GOLGA8B: variants seen among roughly 807,000 people sequenced by gnomAD.
The protein encoded by GOLGA8B is golgin A8 family member B, also known as golgin subfamily A member 8B.
A neutral mutation model predicts 15.6 loss-of-function variants in GOLGA8B; 1 was observed. That is an observed-to-expected ratio of 0.06 (90% confidence interval 0.02 to 0.30). The LOEUF is 0.30. GOLGA8B is among the 10% of genes least tolerant of loss of function. The pLI, the probability that GOLGA8B is intolerant of heterozygous loss-of-function variation, is 1.00. For missense variants in GOLGA8B, 17 were observed against 201.3 expected (o/e 0.08, Z 5.54); for synonymous variants, 9 against 80.3 (o/e 0.11, Z 4.75).
At chr15:34,577,507 T>TACACACACACACAC (rs71119972) in intron 1 of GOLGA8B, among the ~76,000 whole-genome samples, 1 of 125,224 alleles carries the variant, frequency 8.0e-6, no homozygotes, top group East Asian at 2.4e-4. Flanking sequence ...TTATATATCA[T>TACACACACACACAC]ACACACACAC....
At chr15:34,577,551 C>T (rs1313665783) in intron 1 of GOLGA8B, among the ~76,000 whole-genome samples, 3 of 134,728 alleles carry the variant, frequency 2.2e-5, no homozygotes, top group Non-Finnish European at 4.9e-5. Context: ...CACACACACA[C>T]ACACACACAG....
intron 1 of GOLGA8B, among the ~76,000 whole-genome samples, chr15:34,572,981 G>C (rs1003716627): frequency 7.9e-5 from 12 of 152,132 alleles, no homozygotes; most frequent in African/African-American, 2.9e-4. Flanking sequence ...CAGGTACAGT[G>C]GCATGTACCT....
At chr15:34,543,366 T>C (rs1402592116) in intron 7 of GOLGA8B, among the ~76,000 whole-genome samples, 1 of 146,892 alleles carries the variant, frequency 6.8e-6, no homozygotes, top group Non-Finnish European at 1.5e-5. Flanking sequence ...CTTTTTTTTT[T>C]GGTGGTGGTG....
chr15:34,578,319 C>T (rs1189287522), intron 1 of GOLGA8B, among the ~76,000 whole-genome samples: 3 of 152,248 alleles, frequency 2.0e-5, no homozygotes, highest in African/African-American at 4.8e-5. Context: ...CTGTGAAGAG[C>T]TCACGTCATC....
At chr15:34,576,732 AG>A (rs755439854) in intron 1 of GOLGA8B, among the ~76,000 whole-genome samples, 3 of 152,354 alleles carry the variant, frequency 2.0e-5, no homozygotes, top group Admixed American at 6.5e-5. Context: ...CAGTCAGGCC[AG>A]GTGGGAAGTG....
intron 1 of GOLGA8B, among the ~76,000 whole-genome samples, chr15:34,577,008 T>C (rs1889101482): frequency 6.7e-6 from 1 of 149,682 alleles, no homozygotes; most frequent in African/African-American, 2.4e-5. Context: ...CACGTGCCCT[T>C]CTTGGGATGA....
At chr15:34,579,497 G>C (rs1015882052) in intron 1 of GOLGA8B, among the ~76,000 whole-genome samples, 1 of 152,218 alleles carries the variant, frequency 6.6e-6, no homozygotes, top group Admixed American at 6.5e-5. Context: ...CCTGGGTGCA[G>C]AGAACCCAAA....
At chr15:34,557,033 C>T (rs1179462669) in intron 1 of GOLGA8B, among the ~76,000 whole-genome samples, 1 of 140,852 alleles carries the variant, frequency 7.1e-6, no homozygotes, top group Non-Finnish European at 1.6e-5. Flanking sequence ...GGACTAAAGC[C>T]GGTTGAGGGC....
chr15:34,574,347 C>T (rs1889010162), intron 1 of GOLGA8B, among the ~76,000 whole-genome samples: 1 of 151,532 alleles, frequency 6.6e-6, no homozygotes, highest in Non-Finnish European at 1.5e-5. Context: ...GCTCTGTCAC[C>T]CAGGGGAGGG....
chr15:34,580,147 A>C (rs540845910), intron 1 of GOLGA8B, among the ~76,000 whole-genome samples: 1 of 152,294 alleles, frequency 6.6e-6, no homozygotes, highest in Admixed American at 6.5e-5. Flanking sequence ...GGATAAGACG[A>C]AAGAGCCTAC....
At chr15:34,575,667 T>C (rs949792768) in intron 1 of GOLGA8B, among the ~76,000 whole-genome samples, 15 of 152,182 alleles carry the variant, frequency 9.9e-5, no homozygotes, top group African/African-American at 3.4e-4. Flanking sequence ...TCTTCTGGCC[T>C]GGGCTCTGAA....
chr15:34,569,724 G>A (rs1888856850), intron 1 of GOLGA8B, among the ~76,000 whole-genome samples: 1 of 151,444 alleles, frequency 6.6e-6, no homozygotes, highest in Non-Finnish European at 1.5e-5. Context: ...AGTCTATGAT[G>A]TGCAAAATAA....
chr15:34,582,665 G>A (rs1889273086), intron 1 of GOLGA8B: 1 of 152,298 alleles, frequency 6.6e-6, no homozygotes. Context: ...GGGTACCGCA[G>A]GACAGGCCCC....
intron 1 of GOLGA8B, among the ~76,000 whole-genome samples, chr15:34,567,456 C>T (rs905417128): frequency 5.3e-5 from 8 of 151,846 alleles, no homozygotes; most frequent in Non-Finnish European, 8.8e-5. Context: ...GGGGCAGAGA[C>T]GTGAAGCAGG....
intron 1 of GOLGA8B, among the ~76,000 whole-genome samples, chr15:34,554,394 T>C (rs74866705): frequency 1.3e-5 from 2 of 148,878 alleles, no homozygotes; most frequent in Non-Finnish European, 3.0e-5. Context: ...GCCCACCTCA[T>C]ACACACCACA....
At chr15:34,583,021 G>A (rs1889287137) in intron 1 of GOLGA8B, among the ~76,000 whole-genome samples, 1 of 152,176 alleles carries the variant, frequency 6.6e-6, no homozygotes, top group Non-Finnish European at 1.5e-5. Context: ...GAAAAGGGAA[G>A]GGGCGAAGAT....
intron 12 of GOLGA8B, 100 bp downstream of exon 12, chr15:34,531,860 TC>T: frequency 1.6e-6 from 1 of 633,002 alleles, no homozygotes; most frequent in Non-Finnish European, 2.6e-6. Context: ...TGAGCCTCCT[TC>T]CCCAGGCTGG....
intron 1 of GOLGA8B, among the ~76,000 whole-genome samples, chr15:34,571,561 C>T (rs548787605): frequency 1.3e-5 from 2 of 150,238 alleles, no homozygotes; most frequent in African/African-American, 4.9e-5. Context: ...CATGACAAAC[C>T]TGCCAAAACA....
chr15:34,562,512 A>T (rs1250362094), intron 1 of GOLGA8B, among the ~76,000 whole-genome samples: 1 of 117,426 alleles, frequency 8.5e-6, no homozygotes, highest in Non-Finnish European at 2.0e-5. Flanking sequence ...TGTTTTATAG[A>T]TGTAATATAT....
Sources: allele counts gnomAD v4.1 joint callset (sites outside exome capture counted in the v4.1 genomes callset), GRCh38; gene constraint gnomAD v4.1.1; transcripts MANE v1.5; gene names NCBI Gene and HGNC (gene_info 2026-07-23, HGNC 2026-07-21).